The following CD300C variants were observed in gnomAD, a reference collection of about 807,000 sequenced individuals.
CD300C encodes the protein CMRF35-like molecule 6.
CD300C carries 11 observed loss-of-function variants against 18.4 expected under a neutral mutation model. The ratio of observed to expected loss-of-function variants is 0.60; its 90% CI spans 0.38 to 0.99. The LOEUF (loss-of-function observed/expected upper bound fraction) is 0.99. Among genes scored for constraint, CD300C ranks in the 50% least tolerant of loss-of-function variants. CD300C has a pLI of 0.01. For synonymous variants in CD300C, 116 were observed against 116.3 expected, an observed-to-expected ratio of 1.00 and a Z score of 0.02; for missense variants, 277 against 287.4, an observed-to-expected ratio of 0.96 and a Z score of 0.26.
chr17:74,542,578 A>G (rs2143143587), intron 3 of CD300C, among the ~76,000 whole-genome samples: 1 of 152,330 alleles, frequency 6.6e-6, no homozygotes, highest in Middle Eastern at 3.4e-3. Flanking sequence ...CCCAGCATTC[A>G]TTACCCTTTG....
chr17:74,535,279 C>G, the CD300C span, among the ~76,000 whole-genome samples: 1 of 151,750 alleles, frequency 6.6e-6, no homozygotes, highest in Non-Finnish European at 1.5e-5. Context: ...CCAGCCTGAC[C>G]AACATGGTGA....
intron 2 of CD300C, among the ~76,000 whole-genome samples, chr17:74,543,263 G>A (rs1735549073): frequency 6.6e-6 from 1 of 152,246 alleles, no homozygotes; most frequent in African/African-American, 2.4e-5. Flanking sequence ...TTTCACCCCA[G>A]CCAGGGAGGG....
At chr17:74,538,281 A>G (rs372859357), downstream of CD300C, among the ~76,000 whole-genome samples, 3 of 152,252 alleles carry the variant, frequency 2.0e-5, no homozygotes, top group Admixed American at 6.5e-5. Flanking sequence ...CTGCCTCCCC[A>G]CCGAGCTTCT....
the CD300C span, among the ~76,000 whole-genome samples, chr17:74,534,965 G>A: frequency 6.6e-6 from 1 of 152,084 alleles, no homozygotes; most frequent in Non-Finnish European, 1.5e-5. Context: ...TGATTAGCCT[G>A]CACAATACAA....
At chr17:74,545,665 TC>T in intron 1 of CD300C, 56 bp downstream of exon 1, 1 of 1,370,174 alleles carries the variant, frequency 7.3e-7, no homozygotes, top group South Asian at 1.2e-5. Flanking sequence ...CCTGCACCCC[TC>T]CCTGCCCTCT....
chr17:74,539,067 T>G (rs867491631), downstream of CD300C, among the ~76,000 whole-genome samples: 27 of 152,226 alleles, frequency 1.8e-4, no homozygotes, highest in African/African-American at 6.3e-4. Context: ...TTGCCTCCTG[T>G]CTGTCCCGGA....
chr17:74,545,763 G>A lies in CD300C; in HGVS notation c.20C>T (p.Ala7Val), dbSNP rs1293561337. ...GAGCAGAGCTGAAGACCGCCACGAG[G>A]CCCAGGCCCTGGCAGTCATTCCTGT... Reference protein sequence around the residue: MTARAWASWRSSALLLL... With the variant: MTARAWVSWRSSALLLL... The change falls in exon 1 of 4, where the codon GCC (alanine) becomes GTC (valine). Residue 7 changes from alanine (A) to valine (V), a missense_variant. Physicochemically the swap from Ala to Val is moderately conservative, Grantham distance 64. Transcript: ENST00000330793. 1 of 1,609,268 alleles carries A rather than the reference G, an allele frequency of 6.2e-7. No homozygotes were observed. Among genetic ancestry groups the A allele is most frequent in the Non-Finnish European group, 8.5e-7 (1 of 1,178,252 alleles).
intron 3 of CD300C, 50 bp from the exon 4 acceptor site, chr17:74,541,786 A>G: frequency 1.9e-6 from 3 of 1,573,010 alleles, no homozygotes; most frequent in Non-Finnish European, 2.6e-6. Context: ...GGGGAGGCCC[A>G]GGTGCCCTCC....
rs745781973 is a variant in CD300C, at chr17:74,545,704, C to T, written c.61+18G>A. The T allele has an allele frequency of 1.3e-6, 2 of 1,599,244 alleles. No homozygotes were observed. The highest frequency in any genetic ancestry group is 8.5e-7 in the Non-Finnish European group (1 of 1,172,352). ...CACTCAGGACAGAGCTCCCCAAGTC[C>T]AGGGTCGGCCCACTCACCTGGGACA... On this transcript the variant is annotated intron_variant, in intron 1 of 3. Transcript: ENST00000330793.
chr17:74,540,040 C>T (rs1908495147), downstream of CD300C, among the ~76,000 whole-genome samples: 1 of 152,218 alleles, frequency 6.6e-6, no homozygotes, highest in Admixed American at 6.5e-5. Flanking sequence ...TGCTGGTGTG[C>T]CATATCCAGC....
chr17:74,540,679 C>T (rs948190781), downstream of CD300C, among the ~76,000 whole-genome samples: 1 of 152,204 alleles, frequency 6.6e-6, no homozygotes, highest in Admixed American at 6.5e-5. Flanking sequence ...TAACATCTTT[C>T]GTCTGTATAG....
chr17:74,542,668 G>C (rs113855095), intron 3 of CD300C, among the ~76,000 whole-genome samples, 193 bp downstream of exon 3: 11,364 of 152,322 alleles, frequency 0.075, 1,333 homozygotes, highest in African/African-American at 0.25. Flanking sequence ...CACCAGGGCA[G>C]GACAGTGGCT....
intron 1 of CD300C, 57 bp from the exon 2 acceptor site, chr17:74,545,004 C>A: frequency 6.7e-7 from 1 of 1,489,302 alleles, no homozygotes; most frequent in Admixed American, 1.9e-5. Flanking sequence ...GTCAGGGGTG[C>A]CGCAGTGTCA....
chr17:74,544,791 C>A lies in CD300C; in HGVS notation c.218G>T (p.Gly73Val). The stretch of plus-strand genomic sequence containing the variant: ...TCGGCCATTCCTTTTCCCTGCTGAC[C>A]CTTTGGTCTCCACAATCTTGTCACA... ...LRCDKIVETK[G>V]SAGKRNGRVS... Residue 73 changes from glycine to valine, a missense_variant, in exon 2 of 4, where the codon GGG (glycine) becomes GTG (valine). Transcript: ENST00000330793. The A allele has an allele frequency of 6.2e-7, 1 of 1,614,222 alleles. No homozygotes were observed.
chr17:74,541,494 G>A lies in CD300C; in HGVS notation c.*95C>T. On this transcript the variant is annotated 3_prime_UTR_variant, in exon 4 of 4. Transcript: ENST00000330793. ...AGGCTCACAAAGGATTCCAGGAGAT[G>A]TGGAGAGAGCAGCCCGGGAGGGAGT... is the stretch of plus-strand genomic sequence containing the variant. 1.2e-6 allele frequency: 1 copy of A among 817,730 alleles called. No homozygotes were observed. The highest frequency in any genetic ancestry group is 2.1e-6 in the Non-Finnish European group (1 of 469,818). 50.7% of individuals were successfully genotyped at this position (817,730 alleles called of 1,614,324 possible).
chr17:74,540,284 A>G (rs917943486), downstream of CD300C, among the ~76,000 whole-genome samples: 50 of 152,266 alleles, frequency 3.3e-4, no homozygotes, highest in Admixed American at 2.7e-3. Context: ...GCTTCATCAC[A>G]GACCCCTCCA....
Position 74,541,749 on chromosome 17 carries a change from G to C in CD300C, c.528-13C>G, listed in dbSNP as rs112876338. ...GCTGAACAGGGAGCTGTGGGGACAC[G>C]GTGACAGGCAGTGAGTCACCTCCCC... On this transcript the variant is annotated splice_polypyrimidine_tract_variant and intron_variant, in intron 3 of 3. Transcript: ENST00000330793. The C allele has an allele frequency of 1.9e-6, 3 of 1,608,878 alleles. No homozygotes were observed. Among genetic ancestry groups the C allele is most frequent in the Middle Eastern group, 1.7e-4 (1 of 6,044 alleles).
Position 74,545,934 on chromosome 17 carries a change from TCAGGGTA to T in CD300C, c.-159_-153del. On this transcript the variant is annotated 5_prime_UTR_variant, in exon 1 of 4. Coordinates refer to ENST00000330793, the MANE Select transcript of CD300C (RefSeq NM_006678.5). ...GTCTCAGGTCTGAGGCTGGAGAGGG[TCAGGGTA>T]CAGGAAGCTCAGGGAGAGAGCCGCC... 1 of 705,810 alleles carries T rather than the reference TCAGGGTA, an allele frequency of 1.4e-6. No individual in the cohort carries two copies. Among genetic ancestry groups the T allele is most frequent in the East Asian group, 2.8e-5 (1 of 36,262 alleles). The allele number at this position is 705,810 out of a possible 1,614,324, so 43.7% of individuals were successfully genotyped here.
chr17:74,542,795 C>A (rs1452677874), intron 3 of CD300C, 66 bp downstream of exon 3: 2 of 1,546,460 alleles, frequency 1.3e-6, no homozygotes, highest in Admixed American at 3.9e-5. Context: ...ACATCCGAGT[C>A]CCCTAAACAT....
Sources: gnomAD v4.1 joint callset for allele counts (sites outside exome capture counted in the v4.1 genomes callset) on GRCh38, gnomAD v4.1.1 for gene constraint, MANE v1.5 for transcripts, NCBI Gene and HGNC (gene_info 2026-07-23, HGNC 2026-07-21) for gene names.